The following SLC38A11 variants were observed in gnomAD, a reference collection of about 807,000 sequenced individuals.
SLC38A11 encodes the protein solute carrier family 38 member 11, also known as putative sodium-coupled neutral amino acid transporter 11.
A neutral mutation model predicts 49.4 loss-of-function variants in SLC38A11; 51 were observed. That is an observed-to-expected ratio of 1.03 (90% CI 0.83 to 1.30). The LOEUF (loss-of-function observed/expected upper bound fraction) is 1.30. Ranked by LOEUF, SLC38A11 falls within the 50% of genes most tolerant of loss-of-function variation. The pLI, the probability that SLC38A11 is intolerant of heterozygous loss-of-function variation, is 0.00. For missense variants in SLC38A11, 574 were observed against 556.2 expected (o/e 1.03, Z -0.32); for synonymous variants, 203 against 192.9 (o/e 1.05, Z -0.43).
At chr2:164,912,966 C>T (rs539499441) in intron 9 of SLC38A11, among the ~76,000 whole-genome samples, 2 of 152,004 alleles carry the variant, frequency 1.3e-5, no homozygotes, top group African/African-American at 2.4e-5. Flanking sequence ...CTGTATATAA[C>T]GTGCTTAAAT....
chr2:164,945,226 C>T (rs1177832225), intron 4 of SLC38A11, among the ~76,000 whole-genome samples: 9 of 149,986 alleles, frequency 6.0e-5, no homozygotes, highest in African/African-American at 2.2e-4. Context: ...AGCACATTGG[C>T]CTAGTACACG....
At chr2:164,917,348 C>G (rs1685869104) in intron 7 of SLC38A11, among the ~76,000 whole-genome samples, 1 of 152,094 alleles carries the variant, frequency 6.6e-6, no homozygotes, top group Non-Finnish European at 1.5e-5. Flanking sequence ...GGGATTTATG[C>G]ATTATATCAT....
chr2:164,925,476 C>G (rs2105477738), intron 7 of SLC38A11, among the ~76,000 whole-genome samples: 1 of 151,548 alleles, frequency 6.6e-6, no homozygotes, highest in South Asian at 2.1e-4. Context: ...ACTTTATATG[C>G]AGTCCCTGTA....
intron 11 of SLC38A11, 64 bp from the exon 12 acceptor site, chr2:164,898,794 T>C (rs1177776589): frequency 2.0e-6 from 3 of 1,485,758 alleles, no homozygotes; most frequent in Non-Finnish European, 2.7e-6. Flanking sequence ...GGACAGCTTT[T>C]AAAAGCATTT....
At chr2:164,934,740 A>G (rs1156263220) in intron 7 of SLC38A11, among the ~76,000 whole-genome samples, 1 of 152,168 alleles carries the variant, frequency 6.6e-6, no homozygotes, top group Non-Finnish European at 1.5e-5. Flanking sequence ...AAAATTATCA[A>G]TTAAAACAGT....
intron 3 of SLC38A11, among the ~76,000 whole-genome samples, chr2:164,949,225 A>ATATTTTTTTTTTT (rs1559132808): frequency 6.6e-6 from 1 of 151,572 alleles, no homozygotes; most frequent in African/African-American, 2.4e-5. Context: ...TAATAAATAT[A>ATATTTTTTTTTTT]TTTTTATTTA....
intron 3 of SLC38A11, among the ~76,000 whole-genome samples, chr2:164,950,596 C>T (rs535963273): frequency 5.1e-4 from 78 of 152,232 alleles, no homozygotes; most frequent in African/African-American, 1.9e-3. Context: ...GAATCTGTTA[C>T]TTAACAAAAG....
intron 11 of SLC38A11, among the ~76,000 whole-genome samples, chr2:164,906,127 C>T (rs1684989274): frequency 6.6e-6 from 1 of 152,102 alleles, no homozygotes; most frequent in Non-Finnish European, 1.5e-5. Context: ...TGGGCTATCA[C>T]TATGTAGTGA....
chr2:164,933,121 A>C (rs1334089761), intron 7 of SLC38A11, among the ~76,000 whole-genome samples: 1 of 152,134 alleles, frequency 6.6e-6, no homozygotes, highest in Non-Finnish European at 1.5e-5. Context: ...TTAGAATACC[A>C]CACGATTAAA....
intron 7 of SLC38A11, among the ~76,000 whole-genome samples, chr2:164,924,548 C>T (rs891143059): frequency 6.6e-6 from 1 of 151,936 alleles, no homozygotes; most frequent in Non-Finnish European, 1.5e-5. Flanking sequence ...TAATTAGTTC[C>T]TGTACATCCT....
chr2:164,925,024 G>T (rs1686471045), intron 7 of SLC38A11, among the ~76,000 whole-genome samples: 1 of 152,186 alleles, frequency 6.6e-6, no homozygotes, highest in Non-Finnish European at 1.5e-5. Flanking sequence ...GGGATTACAG[G>T]CGTCAGCCAC....
At chr2:164,923,965 G>T (rs1196520136) in intron 7 of SLC38A11, among the ~76,000 whole-genome samples, 1 of 152,012 alleles carries the variant, frequency 6.6e-6, no homozygotes, top group Non-Finnish European at 1.5e-5. Context: ...CCGTTACTGG[G>T]TACACACCCA....
At chr2:164,933,097 T>A (rs1463394561) in intron 7 of SLC38A11, among the ~76,000 whole-genome samples, 1 of 152,096 alleles carries the variant, frequency 6.6e-6, no homozygotes, top group Non-Finnish European at 1.5e-5. Context: ...TGGACTCACT[T>A]TTTGGAATTT....
rs191565171 is a variant in SLC38A11 at position 164,917,974 on chromosome 2, G to T, written c.618-2001C>A. Among the ~76,000 whole-genome samples the T allele has an allele frequency of 6.6e-5, 10 of 151,980 alleles. No individual in the cohort carries two copies. The East Asian group carries it at 1.9e-3, about 29-fold the overall frequency. ...AAAAAGATGTTACAGATAGGAAAAT[G>T]CATATGTCTAAATCTAGGGAAAGAG... On this transcript the variant is annotated intron_variant, in intron 7 of 11. Transcript: ENST00000685975.
chr2:164,903,253 C>T (rs1286811601), intron 11 of SLC38A11, among the ~76,000 whole-genome samples: 2 of 152,076 alleles, frequency 1.3e-5, no homozygotes, highest in African/African-American at 4.8e-5. Flanking sequence ...AAACATGTGG[C>T]TAATTCATCT....
intron 11 of SLC38A11, among the ~76,000 whole-genome samples, chr2:164,902,027 C>T (rs1169384025): frequency 7.1e-6 from 1 of 141,176 alleles, no homozygotes; most frequent in Non-Finnish European, 1.6e-5. Flanking sequence ...TTTTTGTTTT[C>T]TCTCTCTTTT....
At chr2:164,949,867 A>C (rs1356815261) in intron 3 of SLC38A11, 1 of 152,204 alleles carries the variant, frequency 6.6e-6, no homozygotes, top group African/African-American at 2.4e-5. Context: ...TGAGACTAAA[A>C]ATGCAGCCAA....
At chr2:164,927,547 T>A (rs1325575777) in intron 7 of SLC38A11, among the ~76,000 whole-genome samples, 2 of 152,132 alleles carry the variant, frequency 1.3e-5, no homozygotes, top group Non-Finnish European at 2.9e-5. Flanking sequence ...GTATCCCTCT[T>A]CTCCAAGTTC....
chr2:164,908,713 G>A lies in SLC38A11; in HGVS notation c.1022C>T (p.Thr341Ile). The change falls in exon 11 of 12, where the codon ACA (threonine) becomes ATA (isoleucine). Residue 341 changes from threonine (T) to isoleucine (I), a missense_variant. By Grantham distance (89) the Thr-to-Ile change is moderately conservative (BLOSUM62 -1). Coordinates refer to ENST00000685975, the MANE Select transcript of SLC38A11 (RefSeq NM_001351537.2). ...NLSSVFHIVV[T>I]VMVITVATLV... is the part of the protein sequence containing the mutation. ...CGTGGCTACAGTGATGACCATCACT[G>A]TTACAACAATGTGGAAAACCGATGA... is the stretch of plus-strand genomic sequence containing the variant. 6.2e-7 allele frequency: 1 copy of A among 1,611,692 alleles called. No individual in the cohort carries two copies. Among genetic ancestry groups the A allele is most frequent in the Non-Finnish European group, 8.5e-7 (1 of 1,178,692 alleles).
Sources: gnomAD v4.1 joint callset for allele counts (sites outside exome capture counted in the v4.1 genomes callset) on GRCh38, gnomAD v4.1.1 for gene constraint, MANE v1.5 for transcripts, NCBI Gene and HGNC (gene_info 2026-07-23, HGNC 2026-07-21) for gene names.